TMEM135: variants seen among roughly 807,000 people sequenced by gnomAD.
The protein encoded by TMEM135 is transmembrane protein 135, also known as peroxisomal membrane protein 52.
In TMEM135, 30 loss-of-function variants were observed where a neutral mutation model predicts 60.3. The observed-to-expected ratio is 0.50, with a 90% CI of 0.37 to 0.68. TMEM135 has a LOEUF of 0.68. Among genes scored for constraint, TMEM135 ranks in the 30% least tolerant of loss-of-function variants. The pLI, the probability that TMEM135 is intolerant of heterozygous loss-of-function variation, is 0.00. For synonymous variants in TMEM135, 190 were observed against 186.7 expected, an observed-to-expected ratio of 1.02 and a Z score of -0.14; for missense variants, 468 against 548.8, an observed-to-expected ratio of 0.85 and a Z score of 1.47.
intron 5 of TMEM135, among the ~76,000 whole-genome samples, chr11:87,188,127 G>T (rs896433985): frequency 6.6e-6 from 1 of 152,096 alleles, no homozygotes; most frequent in African/African-American, 2.4e-5. Flanking sequence ...TCAGCAGATC[G>T]CTATGTGGTG....
chr11:87,120,195 CT>C (rs1352527197), intron 4 of TMEM135, among the ~76,000 whole-genome samples: 1 of 146,630 alleles, frequency 6.8e-6, no homozygotes, highest in African/African-American at 2.5e-5. Context: ...TCACTGTAAC[CT>C]TGATCTCCTG....
chr11:87,272,041 T>TTTTTC (rs200076280), intron 6 of TMEM135, among the ~76,000 whole-genome samples: 3 of 138,906 alleles, frequency 2.2e-5, no homozygotes, highest in Non-Finnish European at 3.1e-5. Flanking sequence ...TATTTCTTTC[T>TTTTTC]TTTTCTTTTC....
intron 4 of TMEM135, among the ~76,000 whole-genome samples, chr11:87,117,856 C>T (rs1169004198): frequency 6.6e-6 from 1 of 152,114 alleles, no homozygotes; most frequent in Non-Finnish European, 1.5e-5. Flanking sequence ...ATTTGCTTTG[C>T]CCCAATCCAT....
At chr11:87,195,699 T>G (rs772222849) in intron 5 of TMEM135, among the ~76,000 whole-genome samples, 15 of 152,170 alleles carry the variant, frequency 9.9e-5, no homozygotes, top group South Asian at 2.1e-4. Context: ...CATGAGCCAC[T>G]GTGCCCAGAC....
intron 4 of TMEM135, among the ~76,000 whole-genome samples, chr11:87,118,640 G>C (rs970852592): frequency 4.6e-5 from 7 of 151,984 alleles, no homozygotes; most frequent in Non-Finnish European, 1.0e-4. Context: ...AGTACAGATG[G>C]GGTTTCACTA....
intron 6 of TMEM135, among the ~76,000 whole-genome samples, chr11:87,257,079 A>T (rs1453711337): frequency 6.6e-6 from 1 of 152,212 alleles, no homozygotes; most frequent in African/African-American, 2.4e-5. Flanking sequence ...GAAACTGGTG[A>T]TAACTCTTAG....
At chr11:87,235,564 A>G (rs1940977823) in intron 5 of TMEM135, among the ~76,000 whole-genome samples, 1 of 151,938 alleles carries the variant, frequency 6.6e-6, no homozygotes, top group African/African-American at 2.4e-5. Context: ...AGAAATAGCA[A>G]AACATTTTTT....
At chr11:87,126,268 T>G (rs939943413) in intron 4 of TMEM135, among the ~76,000 whole-genome samples, 1 of 152,200 alleles carries the variant, frequency 6.6e-6, no homozygotes, top group African/African-American at 2.4e-5. Flanking sequence ...CTCTTAAAAC[T>G]TAATTTTTGT....
intron 5 of TMEM135, among the ~76,000 whole-genome samples, chr11:87,190,557 C>G (rs1277668945): frequency 1.3e-5 from 2 of 151,744 alleles, no homozygotes; most frequent in Non-Finnish European, 2.9e-5. Flanking sequence ...CACTGTGAGA[C>G]AAAGTTGCCT....
chr11:87,165,442 C>T (rs1939007996), intron 5 of TMEM135, among the ~76,000 whole-genome samples: 2 of 135,838 alleles, frequency 1.5e-5, no homozygotes. Flanking sequence ...TTCGGTTTGC[C>T]AGTATTTTAT....
At chr11:87,321,116 C>G (rs1942811753) in intron 14 of TMEM135, 85 bp from the exon 15 acceptor site, 3 of 1,271,100 alleles carry the variant, frequency 2.4e-6, no homozygotes. Context: ...GTTTTCCCAT[C>G]CCACATAAGA....
intron 5 of TMEM135, among the ~76,000 whole-genome samples, chr11:87,227,942 TA>T (rs1940800562): frequency 6.6e-6 from 1 of 152,194 alleles, no homozygotes; most frequent in Non-Finnish European, 1.5e-5. Context: ...TTATTATCAA[TA>T]ACGTATCTAC....
intron 14 of TMEM135, among the ~76,000 whole-genome samples, chr11:87,320,156 A>G (rs189175905): frequency 3.9e-5 from 6 of 152,286 alleles, no homozygotes; most frequent in Non-Finnish European, 8.8e-5. Context: ...CCATGTATAC[A>G]TAAATATGCA....
intron 4 of TMEM135, among the ~76,000 whole-genome samples, chr11:87,142,522 T>G (rs555165168): frequency 2.0e-5 from 3 of 152,350 alleles, no homozygotes; most frequent in Non-Finnish European, 4.4e-5. Context: ...CTACTATTTG[T>G]GTCGAGAAGT....
At chr11:87,049,706 C>T (rs1455446101) in intron 1 of TMEM135, among the ~76,000 whole-genome samples, 1 of 89,622 alleles carries the variant, frequency 1.1e-5, no homozygotes, top group Non-Finnish European at 2.2e-5. Context: ...GACTCCCACA[C>T]ATTAATAATG....
chr11:87,239,503 A>G (rs1941082620), intron 6 of TMEM135, among the ~76,000 whole-genome samples: 1 of 152,024 alleles, frequency 6.6e-6, no homozygotes, highest in Non-Finnish European at 1.5e-5. Context: ...AAATTTTATT[A>G]TAAATACATA....
intron 4 of TMEM135, among the ~76,000 whole-genome samples, chr11:87,126,396 A>G (rs1222470422): frequency 6.6e-6 from 1 of 151,994 alleles, no homozygotes; most frequent in Non-Finnish European, 1.5e-5. Context: ...CAAATATTTT[A>G]TAATTTCATT....
intron 4 of TMEM135, among the ~76,000 whole-genome samples, chr11:87,118,077 A>T (rs984242020): frequency 3.4e-5 from 4 of 119,214 alleles, no homozygotes; most frequent in Non-Finnish European, 7.4e-5. Flanking sequence ...ATATTTTGAA[A>T]GGAATTTTTT....
At position 87,076,511 on chromosome 11, in the gene TMEM135, C is replaced by A. The variant is rs74720703; in HGVS notation, c.362+4896C>A. Among the ~76,000 whole-genome samples, 411 of 152,334 alleles carry A rather than the reference C, an allele frequency of 2.7e-3. 2 individuals are homozygous for A. Among genetic ancestry groups the A allele is most frequent in the African/African-American group, 9.7e-3 (403 of 41,582 alleles). The stretch of plus-strand genomic sequence containing the variant: ...GACCTGGACTTGGGGACTCCAGGAG[C>A]CTGCTTGTTGCTTTACCCCACTGTG... On this transcript the variant is annotated intron_variant, in intron 3 of 14. Coordinates refer to ENST00000305494, the MANE Select transcript of TMEM135 (RefSeq NM_022918.4).
Sources: gnomAD v4.1 joint callset for allele counts (sites outside exome capture counted in the v4.1 genomes callset) on GRCh38, gnomAD v4.1.1 for gene constraint, MANE v1.5 for transcripts, NCBI Gene and HGNC (gene_info 2026-07-23, HGNC 2026-07-21) for gene names.